CA8: variants seen among roughly 807,000 people sequenced by gnomAD.
CA8 encodes carbonic anhydrase-related protein.
A neutral mutation model predicts 41.4 loss-of-function variants in CA8; 22 were observed. The ratio of observed to expected loss-of-function variants is 0.53; its 90% CI spans 0.38 to 0.76. CA8 has a LOEUF of 0.76. Ranked by LOEUF, CA8 falls within the 30% of genes least tolerant of loss-of-function variation. The pLI is 0.00. For synonymous variants in CA8, 121 were observed against 130.6 expected (o/e 0.93, Z 0.50); for missense variants, 270 against 352.8 (o/e 0.77, Z 1.88).
chr8:60,239,150 C>A (rs1807932203), intron 3 of CA8, among the ~76,000 whole-genome samples: 1 of 152,186 alleles, frequency 6.6e-6, no homozygotes, highest in Admixed American at 6.5e-5. Flanking sequence ...GTCATCCAGG[C>A]TGCAGTGCAG....
chr8:60,244,893 G>A (rs1011097427), intron 3 of CA8, among the ~76,000 whole-genome samples: 1 of 152,170 alleles, frequency 6.6e-6, no homozygotes, highest in South Asian at 2.1e-4. Context: ...AATAGGGGAA[G>A]GGGTACAGTG....
At chr8:60,219,942 A>AAAAAAAAAAC (rs1554520142) in intron 7 of CA8, among the ~76,000 whole-genome samples, 2 of 133,642 alleles carry the variant, frequency 1.5e-5, no homozygotes, top group Admixed American at 8.1e-5. Context: ...AAAAAAAAAA[A>AAAAAAAAAAC]AAAAAAAAAA....
chr8:60,242,500 T>C (rs1308530143), intron 3 of CA8, among the ~76,000 whole-genome samples: 2 of 152,172 alleles, frequency 1.3e-5, no homozygotes, highest in African/African-American at 4.8e-5. Context: ...CGGGGTACAC[T>C]GCACAGTGTG....
At chr8:60,260,618 A>G (rs1803700339) in intron 3 of CA8, among the ~76,000 whole-genome samples, 1 of 152,192 alleles carries the variant, frequency 6.6e-6, no homozygotes, top group African/African-American at 2.4e-5. Flanking sequence ...GGCCATACAT[A>G]TGGTTTCCTA....
chr8:60,253,168 G>A (rs1006776810), intron 3 of CA8, among the ~76,000 whole-genome samples: 5 of 152,160 alleles, frequency 3.3e-5, no homozygotes, highest in African/African-American at 1.2e-4. Context: ...CCAACAGGTG[G>A]AGGCTGCAGT....
intron 7 of CA8, among the ~76,000 whole-genome samples, chr8:60,221,840 G>A (rs1240027206): frequency 6.6e-6 from 1 of 152,146 alleles, no homozygotes; most frequent in Admixed American, 6.5e-5. Flanking sequence ...TGAGAAGTTA[G>A]TGAACTTGAG....
At chr8:60,272,891 G>A (rs558833495) in intron 2 of CA8, among the ~76,000 whole-genome samples, 2 of 152,350 alleles carry the variant, frequency 1.3e-5, no homozygotes, top group African/African-American at 2.4e-5. Flanking sequence ...GTTCACAGGT[G>A]CACATCTCCA....
chr8:60,271,291 A>C (rs1804063572), intron 2 of CA8, among the ~76,000 whole-genome samples: 1 of 152,034 alleles, frequency 6.6e-6, no homozygotes, highest in Non-Finnish European at 1.5e-5. Context: ...GCAGTGAGCT[A>C]TGACTGTACT....
intron 2 of CA8, among the ~76,000 whole-genome samples, chr8:60,270,375 G>A (rs1804030921): frequency 6.6e-6 from 1 of 152,066 alleles, no homozygotes. Flanking sequence ...AGGATCCAAA[G>A]GATTCATTCT....
chr8:60,208,018 G>A (rs1343694858), intron 8 of CA8: 2 of 152,210 alleles, frequency 1.3e-5, no homozygotes, highest in African/African-American at 4.8e-5. Flanking sequence ...TGCCAGTGAT[G>A]TACAATGACC....
At chr8:60,273,427 G>A (rs1015669334) in intron 2 of CA8, among the ~76,000 whole-genome samples, 15 of 152,198 alleles carry the variant, frequency 9.9e-5, no homozygotes, top group African/African-American at 3.4e-4. Context: ...GAGATGGGAG[G>A]CTACACTGGC....
chr8:60,254,013 C>T (rs1025874889), intron 3 of CA8, among the ~76,000 whole-genome samples: 2 of 152,222 alleles, frequency 1.3e-5, no homozygotes, highest in African/African-American at 4.8e-5. Context: ...CAGCACCAGC[C>T]ACAGTGGCAA....
At chr8:60,244,685 A>AT (rs1808161779) in intron 3 of CA8, among the ~76,000 whole-genome samples, 1 of 152,210 alleles carries the variant, frequency 6.6e-6, no homozygotes, top group Non-Finnish European at 1.5e-5. Context: ...CAGAAAGAGT[A>AT]TTTTTTAAAT....
At chr8:60,248,416 G>A (rs1808326218) in intron 3 of CA8, among the ~76,000 whole-genome samples, 1 of 152,094 alleles carries the variant, frequency 6.6e-6, no homozygotes, top group Non-Finnish European at 1.5e-5. Context: ...TCTATCTTGA[G>A]TTAATTTTTG....
chr8:60,251,706 C>T (rs1389576120), intron 3 of CA8, among the ~76,000 whole-genome samples: 1 of 152,208 alleles, frequency 6.6e-6, no homozygotes, highest in Non-Finnish European at 1.5e-5. Flanking sequence ...AGGCCAAAGT[C>T]ATCTGCCATT....
intron 4 of CA8, among the ~76,000 whole-genome samples, chr8:60,230,355 T>G (rs1236208816): frequency 6.6e-6 from 1 of 152,164 alleles, no homozygotes; most frequent in East Asian, 1.9e-4. Context: ...TCTCTATGTC[T>G]GCAATAGCTC....
chr8:60,207,847 C>A (rs1395583301), intron 8 of CA8, among the ~76,000 whole-genome samples: 1 of 152,190 alleles, frequency 6.6e-6, no homozygotes, highest in East Asian at 1.9e-4. Context: ...CCTCCACCTC[C>A]CAGGCTCAAG....
At chr8:60,280,954 G>T in intron 1 of CA8, 94 bp downstream of exon 1, 1 of 897,960 alleles carries the variant, frequency 1.1e-6, no homozygotes, top group Non-Finnish European at 1.8e-6. Flanking sequence ...GGGGGTGCTC[G>T]GAGCGCGCAG....
chr8:60,259,130 C>A (rs1803649721), intron 3 of CA8, among the ~76,000 whole-genome samples: 1 of 152,062 alleles, frequency 6.6e-6, no homozygotes, highest in African/African-American at 2.4e-5. Flanking sequence ...GACGGACAGA[C>A]AAATAAAAGA....
Sources: gnomAD v4.1 joint callset for allele counts (sites outside exome capture counted in the v4.1 genomes callset) on GRCh38, gnomAD v4.1.1 for gene constraint, MANE v1.5 for transcripts, NCBI Gene and HGNC (gene_info 2026-07-23, HGNC 2026-07-21) for gene names.